Variants in CES5A observed in about 807,000 individuals in gnomAD.
The protein encoded by CES5A is carboxylesterase 5A.
In CES5A, 67 loss-of-function variants were observed where a neutral mutation model predicts 62.9. The observed-to-expected ratio is 1.07, with a 90% CI of 0.88 to 1.31. The LOEUF (loss-of-function observed/expected upper bound fraction) is 1.31. Among genes scored for constraint, CES5A ranks in the 50% most tolerant of loss-of-function variants. The pLI is 0.00. For missense variants in CES5A, 748 were observed against 708.5 expected (o/e 1.06, Z -0.63); for synonymous variants, 296 against 280.8 (o/e 1.05, Z -0.54).
chr16:55,851,063 T>C (rs1297640263), intron 10 of CES5A, among the ~76,000 whole-genome samples: 1 of 152,170 alleles, frequency 6.6e-6, no homozygotes, highest in Non-Finnish European at 1.5e-5. Context: ...GTGGTAAATT[T>C]CCATACCCTT....
chr16:55,846,809 G>A lies in CES5A; in HGVS notation c.1455C>T (p.Ser485=), dbSNP rs1370963092. ...TAGCCCAGTATTTCATCATCTTCCG[G>A]CTCAGTAACTTCTCCTCCTCCGTGG... ...EGATEEEKLL[S]RKMMKYWATF... The change falls in exon 12 of 13, where the codon AGC becomes AGT. Residue 485 remains serine, a synonymous_variant. Coordinates refer to ENST00000290567, the MANE Select transcript of CES5A (RefSeq NM_001143685.2). The A allele has an allele frequency of 6.2e-7, 1 of 1,613,978 alleles. No homozygotes were observed. Among genetic ancestry groups the A allele is most frequent in the Non-Finnish European group, 8.5e-7 (1 of 1,180,012 alleles).
At chr16:55,944,867 T>C (rs748341584) in intron 2 of CES5A, among the ~76,000 whole-genome samples, 4 of 152,108 alleles carry the variant, frequency 2.6e-5, no homozygotes, top group Non-Finnish European at 4.4e-5. Flanking sequence ...TGATATCTAC[T>C]TGTGTGCAAA....
At chr16:55,889,337 T>C (rs2033849887) in intron 1 of CES5A, among the ~76,000 whole-genome samples, 1 of 152,166 alleles carries the variant, frequency 6.6e-6, no homozygotes, top group Non-Finnish European at 1.5e-5. Flanking sequence ...CTCAGTCCCA[T>C]AAGCCTGCTC....
At chr16:55,848,306 A>AG (rs2033057511) in intron 11 of CES5A, among the ~76,000 whole-genome samples, 1 of 151,726 alleles carries the variant, frequency 6.6e-6, no homozygotes. Flanking sequence ...TTTTGTAGAG[A>AG]GGGGGTCTTA....
chr16:55,915,015 T>C (rs1158336148), intron 1 of CES5A, among the ~76,000 whole-genome samples: 1 of 152,012 alleles, frequency 6.6e-6, no homozygotes, highest in Admixed American at 6.6e-5. Flanking sequence ...TTTTTTTTTT[T>C]CTTTTAAGCT....
At chr16:55,902,344 C>A (rs984437190) in intron 1 of CES5A, among the ~76,000 whole-genome samples, 6 of 152,144 alleles carry the variant, frequency 3.9e-5, no homozygotes, top group South Asian at 2.1e-4. Context: ...ACTCTCCCCC[C>A]ACAAGTTATT....
intron 2 of CES5A, among the ~76,000 whole-genome samples, chr16:55,947,528 G>C (rs535842259): frequency 9.2e-5 from 14 of 152,178 alleles, no homozygotes; most frequent in Admixed American, 7.2e-4. Flanking sequence ...ATTCTGCTTG[G>C]GGGAGGAATA....
At position 55,859,560 on chromosome 16, in the gene CES5A, A is replaced by G. The variant is rs202084980; in HGVS notation, c.1043T>C (p.Phe348Ser). 4.5e-5 allele frequency: 73 copies of G among 1,612,536 alleles called. No homozygotes were observed. The Middle Eastern group carries it at 1.3e-3, about 28-fold the overall frequency. Reference protein sequence around the residue: ...IIGVNNHECGFLLPMKEAPEI... With the variant: ...IIGVNNHECGSLLPMKEAPEI... ...CAGAATTCTTACCATAGGCAGCAGGAAGCCACACTCGTGGTTATTGACTCC... is the reference window on the plus strand; with the variant it reads ...CAGAATTCTTACCATAGGCAGCAGGGAGCCACACTCGTGGTTATTGACTCC... Residue 348 changes from phenylalanine to serine, a missense_variant, in exon 8 of 13, where the codon TTC (phenylalanine) becomes TCC (serine). Physicochemically the swap from Phe to Ser is radical, Grantham distance 155 (BLOSUM62 -2). Transcript: ENST00000290567.
At chr16:55,849,545 G>T (rs184589017) in intron 11 of CES5A, 79 bp downstream of exon 11, 1 of 1,505,652 alleles carries the variant, frequency 6.6e-7, no homozygotes. Flanking sequence ...TGCCAACCCC[G>T]AAGTCCTCCA....
At position 55,849,593 on chromosome 16, in the gene CES5A, T is replaced by A. The variant is rs200791060; in HGVS notation, c.1423+31A>T. The A allele has an allele frequency of 4.0e-5, 65 of 1,611,748 alleles. No individual in the cohort carries two copies. The African/African-American group carries it at 6.1e-4, about 15-fold the overall frequency. ...GTGGTGGGGTAAGCAAGGGGCTTCA[T>A]GTGAACTGTGGGAAGTGGCCAGTCC... On this transcript the variant is annotated intron_variant, in intron 11 of 12. Coordinates refer to ENST00000290567, the MANE Select transcript of CES5A (RefSeq NM_001143685.2).
chr16:55,923,095 T>C (rs1449779298), intron 1 of CES5A, among the ~76,000 whole-genome samples: 1 of 150,532 alleles, frequency 6.6e-6, no homozygotes, highest in Non-Finnish European at 1.5e-5. Context: ...TAGAAAGACT[T>C]TAAAGAAACA....
upstream of CES5A, among the ~76,000 whole-genome samples, chr16:55,876,864 A>T (rs1051686473): frequency 1.3e-5 from 2 of 152,162 alleles, no homozygotes; most frequent in African/African-American, 2.4e-5. Context: ...TGGGAGCTAG[A>T]GGAGGAGGAA....
At chr16:55,863,245 G>T in intron 6 of CES5A, 103 bp downstream of exon 6, 1 of 739,524 alleles carries the variant, frequency 1.4e-6, no homozygotes, top group Non-Finnish European at 2.5e-6. Flanking sequence ...GGTGCCTTGG[G>T]CATGGTCACT....
At chr16:55,866,555 G>A (rs1401410540) in intron 4 of CES5A, among the ~76,000 whole-genome samples, 3 of 151,552 alleles carry the variant, frequency 2.0e-5, no homozygotes, top group Middle Eastern at 6.9e-3. Context: ...AGGCACGGTG[G>A]CTCATGCCTG....
chr16:55,891,361 C>T (rs2033875860), intron 1 of CES5A, among the ~76,000 whole-genome samples: 3 of 152,204 alleles, frequency 2.0e-5, no homozygotes, highest in South Asian at 2.1e-4. Context: ...ATCTTACATT[C>T]GAGTGCTATT....
At chr16:55,892,710 A>C (rs2033893082) in intron 1 of CES5A, among the ~76,000 whole-genome samples, 1 of 138,916 alleles carries the variant, frequency 7.2e-6, no homozygotes, top group Admixed American at 7.2e-5. Context: ...ACACTCTAAC[A>C]ACAACAACAA....
In CES5A at chr16:55,873,986, C is replaced by T. The variant is rs150326895; in HGVS notation, c.125G>A (p.Gly42Asp). 252 of 1,611,958 alleles carry T rather than the reference C, an allele frequency of 1.6e-4. No homozygotes were observed. The highest frequency in any genetic ancestry group is 2.1e-4 in the Non-Finnish European group (247 of 1,179,434). The change falls in exon 2 of 13, where the codon GGC becomes GAC. Residue 42 changes from glycine (G) to aspartate (D), a missense_variant. Gly to Asp is a moderately conservative substitution (Grantham distance 94). Transcript: ENST00000290567. ...QRNTRLGWIQ[G>D]KQVTVLGSPV... is the part of the protein sequence containing the mutation. ...GCTTCCCAGCACAGTGACTTGCTTG[C>T]CCTGAATCCATCCCAGCCTGGTGTT...
intron 5 of CES5A, among the ~76,000 whole-genome samples, chr16:55,863,999 G>C (rs1309388680): frequency 6.6e-6 from 1 of 151,998 alleles, no homozygotes; most frequent in East Asian, 1.9e-4. Context: ...ACTCACCTCA[G>C]CCTCCCAAAG....
intron 4 of CES5A, 187 bp downstream of exon 4, chr16:55,869,424 A>G: frequency 9.0e-7 from 1 of 1,116,562 alleles, no homozygotes; most frequent in Admixed American, 3.6e-5. Flanking sequence ...AGAGATTTTT[A>G]TTGTTTCAAG....
Sources: gnomAD v4.1 joint callset for allele counts (sites outside exome capture counted in the v4.1 genomes callset) on GRCh38, gnomAD v4.1.1 for gene constraint, MANE v1.5 for transcripts, NCBI Gene and HGNC (gene_info 2026-07-23, HGNC 2026-07-21) for gene names.